RCC1L: variants seen among roughly 807,000 people sequenced by gnomAD.
The protein encoded by RCC1L is RCC1-like G exchanging factor-like protein.
Under a neutral mutation model 58.6 loss-of-function variants are expected in RCC1L, and 46 were observed. The ratio of observed to expected loss-of-function variants is 0.79; its 90% CI spans 0.62 to 1.00. RCC1L has a LOEUF of 1.00. RCC1L is among the 50% of genes least tolerant of loss of function. RCC1L has a pLI of 0.00. For missense variants in RCC1L, 636 were observed against 623.6 expected (o/e 1.02, Z -0.21); for synonymous variants, 281 against 262.9 (o/e 1.07, Z -0.67).
chr7:75,048,730 C>G (rs996284737), intron 10 of RCC1L, among the ~76,000 whole-genome samples: 1 of 152,248 alleles, frequency 6.6e-6, no homozygotes, highest in Non-Finnish European at 1.5e-5. Context: ...TGGCACTCCC[C>G]CTTAGGTCAG....
chr7:75,032,087 A>G (rs1468529225), intron 10 of RCC1L, among the ~76,000 whole-genome samples: 5 of 152,182 alleles, frequency 3.3e-5, no homozygotes, highest in Non-Finnish European at 5.9e-5. Flanking sequence ...ATACGGCCCA[A>G]CTCTGATTTG....
rs1382876551 is a variant in RCC1L at position 75,055,922 on chromosome 7, T to A, written c.1210A>T (p.Ser404Cys). ...IQVSRIRCGLSHFAALTNKGE... is the reference protein window; with the variant it reads ...IQVSRIRCGLCHFAALTNKGE... ...TTACTGGTCAGTGCAGCAAAGTGGC[T>A]GAGTCCACATCGGATGCGGGAAACC... Residue 404 changes from serine to cysteine, a missense_variant, in exon 9 of 11, where the codon AGC becomes TGC. Coordinates refer to ENST00000610322, the MANE Select transcript of RCC1L (RefSeq NM_030798.5). 3.7e-6 allele frequency: 6 copies of A among 1,613,990 alleles called. No homozygotes were observed. The highest frequency in any genetic ancestry group is 5.1e-6 in the Non-Finnish European group (6 of 1,179,868).
At position 75,043,133 on chromosome 7, in the gene RCC1L, C is replaced by T. The variant is rs1584488768; in HGVS notation, c.1318-24G>A. 2.5e-6 allele frequency: 4 copies of T among 1,613,742 alleles called. No homozygotes were observed. In the South Asian group the frequency reaches 4.4e-5, roughly 18 times the overall value. ...ACCTGAAAAATAAGATCCAGCATAC[C>T]ATGGGTGGGGGTGGCGCACCCGGAG... On this transcript the variant is annotated intron_variant, in intron 10 of 10. Transcript: ENST00000610322.
At position 75,052,987 on chromosome 7, in the gene RCC1L, C is replaced by G. The variant is rs905463070; in HGVS notation, c.1232-191G>C. On this transcript the variant is annotated intron_variant, in intron 9 of 10. Transcript: ENST00000610322. ...TGAGATGCTGTCCCCATATCGAAAACACATCCACGGCCAGGACTTCTGCTG... is the reference window on the plus strand; with the variant it reads ...TGAGATGCTGTCCCCATATCGAAAAGACATCCACGGCCAGGACTTCTGCTG... Among the ~76,000 whole-genome samples, 140 of 151,236 alleles carry G rather than the reference C, an allele frequency of 9.3e-4. 1 individual carries two copies. The highest frequency in any genetic ancestry group is 3.0e-3 in the African/African-American group (123 of 41,090).
At position 75,070,627 on chromosome 7, in the gene RCC1L, T is replaced by A; in HGVS notation, c.454+13A>T. The A allele has an allele frequency of 6.2e-7, 1 of 1,613,292 alleles. No individual in the cohort carries two copies. Among genetic ancestry groups the A allele is most frequent in the Non-Finnish European group, 8.5e-7 (1 of 1,179,616 alleles). Reference sequence around the variant, plus strand: ...CAATCCCGGCAAAGAGGAGACAAGGTAGGGATGCTCACTTTTATCTTTCCG... The same window carrying A: ...CAATCCCGGCAAAGAGGAGACAAGGAAGGGATGCTCACTTTTATCTTTCCG... On this transcript the variant is annotated intron_variant, in intron 2 of 10. Coordinates refer to ENST00000610322, the MANE Select transcript of RCC1L (RefSeq NM_030798.5).
rs1356796538 is a variant in RCC1L at position 75,063,396 on chromosome 7, C to T, written c.651-53G>A. Reference sequence around the variant, plus strand: ...GCAAGGGATGCGGTCATGACAAGCACTGTGCAGCCCTTTCCCTGTCACCCC... The same window carrying T: ...GCAAGGGATGCGGTCATGACAAGCATTGTGCAGCCCTTTCCCTGTCACCCC... On this transcript the variant is annotated intron_variant, in intron 4 of 10. Transcript: ENST00000610322. 3.2e-6 allele frequency: 5 copies of T among 1,584,668 alleles called. No individual in the cohort carries two copies. The Admixed American group carries it at 6.7e-5, about 21-fold the overall frequency.
In RCC1L at chr7:75,073,438, G is replaced by A; in HGVS notation, c.300C>T (p.Pro100=). The A allele has an allele frequency of 7.5e-7, 1 of 1,340,348 alleles. No individual in the cohort carries two copies. The highest frequency in any genetic ancestry group is 9.6e-7 in the Non-Finnish European group (1 of 1,043,156). The allele number at this position is 1,340,348 out of a possible 1,614,324, so 83.0% of individuals were successfully genotyped here. The change falls in exon 1 of 11, where the codon CCC becomes CCT. Residue 100 remains proline (P), a synonymous_variant. Transcript: ENST00000610322. ...CCTTTTGGTCCAGCTCCAGGCGATA[G>A]GGCACGGGCTGGATCCTGCGGCGCG... The part of the protein sequence containing the change: ...ARPRRRIQPV[P]YRLELDQKIS...
downstream of RCC1L, among the ~76,000 whole-genome samples, chr7:75,041,398 G>A (rs1188112387): frequency 6.6e-6 from 1 of 152,068 alleles, no homozygotes; most frequent in Non-Finnish European, 1.5e-5. Flanking sequence ...ACATGCCCCA[G>A]CATGAGGACA....
At chr7:75,036,761 T>G (rs1025223610) in intron 10 of RCC1L, among the ~76,000 whole-genome samples, 2 of 151,626 alleles carry the variant, frequency 1.3e-5, no homozygotes, top group Admixed American at 1.3e-4. Context: ...TTAGCTGGAG[T>G]TGGTGGTGCA....
intron 10 of RCC1L, among the ~76,000 whole-genome samples, chr7:75,050,205 C>A (rs969261457): frequency 6.6e-6 from 1 of 152,132 alleles, no homozygotes; most frequent in Non-Finnish European, 1.5e-5. Flanking sequence ...TCACTTGAAC[C>A]CGGAAGGTGG....
intron 5 of RCC1L, 109 bp from the exon 6 acceptor site, chr7:75,061,400 CAT>C: frequency 1.1e-6 from 1 of 894,386 alleles, no homozygotes. Context: ...GCACCTGGAG[CAT>C]GGTCCAGGCA....
intron 2 of RCC1L, 101 bp downstream of exon 2, chr7:75,070,539 C>T: frequency 1.3e-6 from 2 of 1,498,338 alleles, no homozygotes; most frequent in Non-Finnish European, 1.8e-6. Flanking sequence ...CCACTGCACT[C>T]TAGCCTGGCA....
At chr7:75,030,630 C>G (rs1278839486) in intron 10 of RCC1L, among the ~76,000 whole-genome samples, 1 of 152,172 alleles carries the variant, frequency 6.6e-6, no homozygotes, top group Admixed American at 6.5e-5. Flanking sequence ...CCAGGTGGGC[C>G]AACCCACAGG....
At chr7:75,045,968 C>T (rs1805707607) in intron 10 of RCC1L, among the ~76,000 whole-genome samples, 1 of 152,258 alleles carries the variant, frequency 6.6e-6, no homozygotes, top group South Asian at 2.1e-4. Context: ...GGTGTGACAG[C>T]TGGAAAGGGG....
intron 5 of RCC1L, among the ~76,000 whole-genome samples, chr7:75,062,175 A>C (rs1403485378): frequency 1.3e-5 from 2 of 152,102 alleles, no homozygotes; most frequent in African/African-American, 4.8e-5. Context: ...AAAAAGAAAA[A>C]GAAACTATCT....
intron 10 of RCC1L, among the ~76,000 whole-genome samples, chr7:75,046,096 A>G (rs1165892996): frequency 1.3e-5 from 2 of 152,266 alleles, no homozygotes; most frequent in African/African-American, 4.8e-5. Flanking sequence ...CACCTACGCC[A>G]GGAGACAAGA....
chr7:75,053,307 C>G (rs908634656), intron 9 of RCC1L, among the ~76,000 whole-genome samples: 4 of 151,732 alleles, frequency 2.6e-5, no homozygotes, highest in Non-Finnish European at 5.9e-5. Context: ...GGCTGGAGGT[C>G]ACTGATGCAC....
chr7:75,047,951 T>TAA (rs1165495607), intron 10 of RCC1L, among the ~76,000 whole-genome samples: 732 of 72,118 alleles, frequency 0.01, 15 homozygotes, highest in Non-Finnish European at 0.012. Context: ...GGCCAATAAT[T>TAA]AAAAAAAAAA....
At chr7:75,047,202 C>T (rs996623841) in intron 10 of RCC1L, among the ~76,000 whole-genome samples, 1 of 152,178 alleles carries the variant, frequency 6.6e-6, no homozygotes, top group African/African-American at 2.4e-5. Flanking sequence ...GTGATCCGCC[C>T]GCCTCGGCAC....
Sources: allele counts gnomAD v4.1 joint callset (sites outside exome capture counted in the v4.1 genomes callset), GRCh38; gene constraint gnomAD v4.1.1; transcripts MANE v1.5; gene names NCBI Gene and HGNC (gene_info 2026-07-23, HGNC 2026-07-21).